Variants in ATP6V1B1 observed in about 807,000 individuals in gnomAD.
The protein encoded by ATP6V1B1 is V-type proton ATPase subunit B, kidney isoform.
Under a neutral mutation model 62.1 loss-of-function variants are expected in ATP6V1B1, and 41 were observed. The ratio of observed to expected loss-of-function variants is 0.66; its 90% CI spans 0.51 to 0.86. The LOEUF is 0.86. Ranked by LOEUF, ATP6V1B1 falls within the 40% of genes least tolerant of loss-of-function variation. ATP6V1B1 has a pLI of 0.00. For missense variants in ATP6V1B1, 651 were observed against 697.5 expected (o/e 0.93, Z 0.75); for synonymous variants, 253 against 273.4 (o/e 0.93, Z 0.74).
Position 70,960,930 on chromosome 2 carries a change from C to A in ATP6V1B1, c.595C>A (p.Gln199Lys). The part of the protein sequence containing the change: ...AGLPHNEIAA[Q>K]ICRQAGLVKK... ...ATCCACTCTGCCCTAGATTGCCGCTCAGATCTGCCGCCAGGCGGGGCTGGT... is the reference window on the plus strand; with the variant it reads ...ATCCACTCTGCCCTAGATTGCCGCTAAGATCTGCCGCCAGGCGGGGCTGGT... The change falls in exon 7 of 14, where the codon CAG becomes AAG. Residue 199 changes from glutamine (Q) to lysine (K), a missense_variant. Physicochemically the swap from Gln to Lys is moderately conservative, Grantham distance 53. Coordinates refer to ENST00000234396, the MANE Select transcript of ATP6V1B1 (RefSeq NM_001692.4). 1 of 1,608,596 alleles carries A rather than the reference C, an allele frequency of 6.2e-7. No individual in the cohort carries two copies. The highest frequency in any genetic ancestry group is 2.2e-5 in the East Asian group (1 of 44,626).
At chr2:70,957,999 T>A in intron 2 of ATP6V1B1, 47 bp from the exon 3 acceptor site, 1 of 1,565,744 alleles carries the variant, frequency 6.4e-7, no homozygotes, top group Non-Finnish European at 8.7e-7. Context: ...GAGAAGGGAC[T>A]TTGCCTCCAG....
At chr2:70,949,043 A>C (rs1428866297) in intron 2 of ATP6V1B1, among the ~76,000 whole-genome samples, 1 of 148,856 alleles carries the variant, frequency 6.7e-6, no homozygotes, top group African/African-American at 2.6e-5. Context: ...TTATATTTTA[A>C]TTGCAAAAAT....
Position 70,965,257 on chromosome 2 carries a change from G to A in ATP6V1B1, c.*136G>A. ...CTGGCTCCGAGGTGGTGGGGGCGCC[G>A]CACGCTCCATCCCTTTCCCTCGCTC... On this transcript the variant is annotated 3_prime_UTR_variant, in exon 14 of 14. Transcript: ENST00000234396. 4.8e-6 allele frequency: 6 copies of A among 1,241,060 alleles called. No homozygotes were observed. Among genetic ancestry groups the A allele is most frequent in the Admixed American group, 4.1e-5 (2 of 48,848 alleles). 76.9% of individuals were successfully genotyped at this position (1,241,060 alleles called of 1,614,324 possible).
At chr2:70,962,006 C>CATTTCCCTAAACATTTATTTAGAA (rs6146805) in intron 8 of ATP6V1B1, among the ~76,000 whole-genome samples, 66,383 of 151,986 alleles carry the variant, frequency 0.44, 15,018 homozygotes, top group East Asian at 0.66. Flanking sequence ...CCAAGAAGAT[C>CATTTCCCTAAACATTTATTTAGAA]AAACTGCTAT....
chr2:70,943,284 C>T (rs1193697941), intron 1 of ATP6V1B1: 8 of 438,342 alleles, frequency 1.8e-5, no homozygotes, highest in South Asian at 1.2e-4. Context: ...CGGCCACAGC[C>T]GGGGGCCAGG....
chr2:70,942,248 C>T (rs572745620), intron 1 of ATP6V1B1: 36 of 403,100 alleles, frequency 8.9e-5, no homozygotes, highest in Non-Finnish European at 9.1e-5. Context: ...CCAGGCAGGT[C>T]TGTAAGGTAG....
At chr2:70,939,094 C>T (rs1461799462) in intron 1 of ATP6V1B1, among the ~76,000 whole-genome samples, 1 of 152,244 alleles carries the variant, frequency 6.6e-6, no homozygotes, top group Non-Finnish European at 1.5e-5. Flanking sequence ...TTGCCCCCAT[C>T]CCGGCCTCAC....
At chr2:70,944,382 C>A (rs1476167430) in intron 2 of ATP6V1B1, among the ~76,000 whole-genome samples, 2 of 151,850 alleles carry the variant, frequency 1.3e-5, no homozygotes, top group African/African-American at 4.8e-5. Context: ...ACTCTCTTAT[C>A]CTCCCTCCAC....
Position 70,959,909 on chromosome 2 carries a change from G to C in ATP6V1B1, c.446-30G>C, listed in dbSNP as rs1553419730. 4 of 1,614,060 alleles carry C rather than the reference G, an allele frequency of 2.5e-6. No homozygotes were observed. In the Admixed American group the frequency reaches 5.0e-5, roughly 20 times the overall value. ...AGAGCAGGGAAGGGTTTGAACCCCT[G>C]AGCATGGCTCTGTGATCGCCCTCTC... On this transcript the variant is annotated intron_variant, in intron 5 of 13. Coordinates refer to ENST00000234396, the MANE Select transcript of ATP6V1B1 (RefSeq NM_001692.4). This position sits in a 1 kb window ranked among gnomAD's most constrained non-coding sequence, Gnocchi z 4.2.
rs1318546721 is a variant in ATP6V1B1, at chr2:70,959,349, G to C, written c.445+254G>C. On this transcript the variant is annotated intron_variant, in intron 5 of 13. Transcript: ENST00000234396. The surrounding 1 kb of genome is among the most constrained non-coding windows in gnomAD (Gnocchi z 4.2). Reference sequence around the variant, plus strand: ...ATCATGCCCCTGCCTTTGGCTTCCTGTCCACAATCCTGAGAATGGGCTGCG... The same window carrying C: ...ATCATGCCCCTGCCTTTGGCTTCCTCTCCACAATCCTGAGAATGGGCTGCG... Among the ~76,000 whole-genome samples the C allele has an allele frequency of 6.6e-6, 1 of 152,196 alleles. No individual in the cohort carries two copies. The highest frequency in any genetic ancestry group is 1.5e-5 in the Non-Finnish European group (1 of 68,038).
chr2:70,938,347 G>A (rs1340219301), intron 1 of ATP6V1B1, among the ~76,000 whole-genome samples: 1 of 152,088 alleles, frequency 6.6e-6, no homozygotes. Flanking sequence ...GTACGCCAGA[G>A]GCAGGGCCAC....
chr2:70,943,682 AC>A lies in ATP6V1B1; in HGVS notation c.144del (p.Asn48LysfsTer116). The A allele has an allele frequency of 6.2e-7, 1 of 1,613,866 alleles. No homozygotes were observed. Among genetic ancestry groups the A allele is most frequent in the Non-Finnish European group, 8.5e-7 (1 of 1,179,950 alleles). ...GCCTACAGGACTGTGTGCAGCGTGA[AC>A]GGGCCCCTGGTGGTGCTGGACCGGG... ...RVTYRTVCSV[N>X]GPLVVLDRVK... On this transcript the variant is annotated frameshift_variant, in exon 2 of 14. Transcript: ENST00000234396. LOFTEE classifies it high-confidence loss of function.
chr2:70,965,395 C>A lies in ATP6V1B1; in HGVS notation c.*274C>A. 1 of 541,424 alleles carries A rather than the reference C, an allele frequency of 1.8e-6. No homozygotes were observed. The highest frequency in any genetic ancestry group is 3.3e-6 in the Non-Finnish European group (1 of 303,378). The allele number at this position is 541,424 out of a possible 1,614,324, so 33.5% of individuals were successfully genotyped here. A position where few individuals can be genotyped will look rare whatever the true frequency, so the allele number is the denominator to read the frequency against. On this transcript the variant is annotated 3_prime_UTR_variant, in exon 14 of 14. Coordinates refer to ENST00000234396, the MANE Select transcript of ATP6V1B1 (RefSeq NM_001692.4). Reference sequence around the variant, plus strand: ...CATCTGTATTTTTATGTTAAAAGCCCACAAAATAAAAATAAAAAGTAACTG... The same window carrying A: ...CATCTGTATTTTTATGTTAAAAGCCAACAAAATAAAAATAAAAAGTAACTG...
At position 70,965,308 on chromosome 2, in the gene ATP6V1B1, T is replaced by G; in HGVS notation, c.*187T>G. On this transcript the variant is annotated 3_prime_UTR_variant, in exon 14 of 14. Transcript: ENST00000234396. ...GATTCCTTTTCCCGCGCTCCATGCC[T>G]CCCCCTCGACTCCCGGTGCTGCGGA... is the stretch of plus-strand genomic sequence containing the variant. 2 of 798,330 alleles carry G rather than the reference T, an allele frequency of 2.5e-6. No homozygotes were observed. Among genetic ancestry groups the G allele is most frequent in the Non-Finnish European group, 3.9e-6 (2 of 513,454 alleles). 49.5% of individuals were successfully genotyped at this position (798,330 alleles called of 1,614,324 possible). A position where few individuals can be genotyped will look rare whatever the true frequency, so the allele number is the denominator to read the frequency against.
At chr2:70,940,784 C>T (rs928436142) in intron 1 of ATP6V1B1, 4 of 985,028 alleles carry the variant, frequency 4.1e-6, no homozygotes, top group Non-Finnish European at 3.6e-6. Flanking sequence ...TTGGGAAGGT[C>T]GGGAGGGGGC....
In ATP6V1B1 at chr2:70,965,393, C is replaced by A; in HGVS notation, c.*272C>A. 3.7e-6 allele frequency: 2 copies of A among 546,116 alleles called. No individual in the cohort carries two copies. Among genetic ancestry groups the A allele is most frequent in the South Asian group, 4.5e-5 (2 of 44,562 alleles). The allele number at this position is 546,116 out of a possible 1,614,324, so 33.8% of individuals were successfully genotyped here. A position where few individuals can be genotyped will look rare whatever the true frequency, so the allele number is the denominator to read the frequency against. Reference sequence around the variant, plus strand: ...AGCATCTGTATTTTTATGTTAAAAGCCCACAAAATAAAAATAAAAAGTAAC... The same window carrying A: ...AGCATCTGTATTTTTATGTTAAAAGACCACAAAATAAAAATAAAAAGTAAC... On this transcript the variant is annotated 3_prime_UTR_variant, in exon 14 of 14. Transcript: ENST00000234396.
intron 1 of ATP6V1B1, chr2:70,941,852 C>T: frequency 1.0e-6 from 1 of 985,968 alleles, no homozygotes; most frequent in Non-Finnish European, 1.2e-6. Flanking sequence ...GACAGGCGGC[C>T]CCAGAGGGAA....
rs1240705235 is a variant in ATP6V1B1, at chr2:70,941,343, T to G, written c.119-2315T>G. ...GGTCTTACTGCACCTGAAGCGAGCC[T>G]GTGCATGCCAGCCCACTGCCCCTCT... On this transcript the variant is annotated intron_variant, in intron 1 of 13. Transcript: ENST00000234396. 6.1e-6 allele frequency: 6 copies of G among 985,508 alleles called. No homozygotes were observed. The African/African-American group carries it at 1.0e-4, about 17-fold the overall frequency. 61.0% of individuals were successfully genotyped at this position (985,508 alleles called of 1,614,324 possible). A position where few individuals can be genotyped will look rare whatever the true frequency, so the allele number is the denominator to read the frequency against.
intron 2 of ATP6V1B1, among the ~76,000 whole-genome samples, chr2:70,949,427 G>C (rs1405831169): frequency 6.6e-6 from 1 of 152,208 alleles, no homozygotes; most frequent in Non-Finnish European, 1.5e-5. Flanking sequence ...TTATAGGATA[G>C]ATTCCCAGAA....
Sources: allele counts gnomAD v4.1 joint callset (sites outside exome capture counted in the v4.1 genomes callset), GRCh38; gene constraint gnomAD v4.1.1; non-coding constraint Gnocchi (gnomAD v3.1); transcripts MANE v1.5; gene names NCBI Gene and HGNC (gene_info 2026-07-23, HGNC 2026-07-21).